The following MFAP4 variants were observed in gnomAD, a reference collection of about 807,000 sequenced individuals.
The protein encoded by MFAP4 is microfibril-associated glycoprotein 4.
In MFAP4, 20 loss-of-function variants were observed where a neutral mutation model predicts 32.4. The observed-to-expected ratio is 0.62, with a 90% CI of 0.43 to 0.90. The LOEUF (loss-of-function observed/expected upper bound fraction) is 0.90. MFAP4 is among the 40% of genes least tolerant of loss of function. The probability of loss-of-function intolerance (pLI) is 0.00; values close to 1 mark genes in which losing one functional copy is unlikely to be tolerated. For missense variants in MFAP4, 267 were observed against 329.5 expected (o/e 0.81, Z 1.47); for synonymous variants, 146 against 137.4 (o/e 1.06, Z -0.44).
At chr17:19,385,071 C>T in intron 5 of MFAP4, 28 bp downstream of exon 5, 1 of 1,602,842 alleles carries the variant, frequency 6.2e-7, no homozygotes, top group Non-Finnish European at 8.5e-7. Flanking sequence ...CCCTCACAGC[C>T]CCTCCCAAAG....
At chr17:19,386,726 G>A (rs1345716332) in intron 2 of MFAP4, 34 bp downstream of exon 2, 1 of 1,551,728 alleles carries the variant, frequency 6.4e-7, no homozygotes, top group Admixed American at 2.0e-5. Flanking sequence ...CAACCTGTGG[G>A]CCAGGCCGCG....
chr17:19,386,577 G>A (rs1913044728), intron 2 of MFAP4, 113 bp from the exon 3 acceptor site: 3 of 1,326,836 alleles, frequency 2.3e-6, no homozygotes, highest in Admixed American at 2.0e-5. Context: ...GACACAAGGA[G>A]TCATGGAAGA....
rs371622405 is a variant in MFAP4, at chr17:19,386,472, T to C, written c.86-8A>G. ...GGCAAAACCTCTCCAGAGCTGGGGG[T>C]AGGGACATGGGGACAGTGAGGAGAG... On this transcript the variant is annotated splice_region_variant and splice_polypyrimidine_tract_variant and intron_variant, in intron 2 of 5. Transcript: ENST00000299610. The C allele has an allele frequency of 5.5e-5, 89 of 1,609,800 alleles. No individual in the cohort carries two copies. Among genetic ancestry groups the C allele is most frequent in the Non-Finnish European group, 3.7e-5 (43 of 1,177,780 alleles).
chr17:19,384,248 A>G lies in MFAP4; in HGVS notation c.*214T>C. 1 of 582,342 alleles carries G rather than the reference A, an allele frequency of 1.7e-6. No individual in the cohort carries two copies. The highest frequency in any genetic ancestry group is 3.0e-6 in the Non-Finnish European group (1 of 330,304). The allele number at this position is 582,342 out of a possible 1,614,324, so 36.1% of individuals were successfully genotyped here. A position where few individuals can be genotyped will look rare whatever the true frequency, so the allele number is the denominator to read the frequency against. On this transcript the variant is annotated 3_prime_UTR_variant, in exon 6 of 6. Coordinates refer to ENST00000299610, the MANE Select transcript of MFAP4 (RefSeq NM_002404.3). ...GGAAGAGGCCTGGGGAACTGCTGGC[A>G]GTGTAACTTCAGGTGTAGGGGAGCC...
intron 1 of MFAP4, 134 bp from the exon 2 acceptor site, chr17:19,386,972 T>TGGCTGGGGCCCCCCCCCCCCC: frequency 1.1e-6 from 1 of 937,014 alleles, no homozygotes; most frequent in Non-Finnish European, 1.7e-6. Flanking sequence ...TGGCCCCTCT[T>TGGCTGGGGCCCCCCCCCCCCC]CCCTGCCCCC....
chr17:19,384,604 A>G lies in MFAP4; in HGVS notation c.626T>C (p.Phe209Ser), dbSNP rs1912952579. The G allele has an allele frequency of 6.2e-7, 1 of 1,614,144 alleles. No homozygotes were observed. Among genetic ancestry groups the G allele is most frequent in the Non-Finnish European group, 8.5e-7 (1 of 1,180,010 alleles). Residue 209 changes from phenylalanine (F) to serine (S), a missense_variant, in exon 6 of 6, where the codon TTC (phenylalanine) becomes TCC (serine). By Grantham distance (155) the Phe-to-Ser change is radical. This residue lies in a region of MFAP4 where 25 missense variants were observed against 57.5 expected (regional missense o/e 0.43). Transcript: ENST00000299610. The stretch of plus-strand genomic sequence containing the variant: ...GAGGTTGGCAAAGTGGCAGCTGCGG[A>G]ACCAGAAGGCTCCTGAGGAGAGAGC... The part of the protein sequence containing the change: ...CAALSSGAFW[F>S]RSCHFANLNG...
intron 1 of MFAP4, 139 bp from the exon 2 acceptor site, chr17:19,386,977 G>GGGCCCCCCCCCCCCCCCCCCCCCACAC: frequency 1.5e-6 from 1 of 689,460 alleles, no homozygotes; most frequent in Non-Finnish European, 2.4e-6. Context: ...CCTCTTCCCT[G>GGGCCCCCCCCCCCCCCCCCCCCCACAC]CCCCCCCACC....
At position 19,385,467 on chromosome 17, in the gene MFAP4, A is replaced by T; in HGVS notation, c.241-13T>A. 2 of 1,613,130 alleles carry T rather than the reference A, an allele frequency of 1.2e-6. No homozygotes were observed. The highest frequency in any genetic ancestry group is 1.7e-6 in the Non-Finnish European group (2 of 1,179,110). ...TCTTCTGGAAAACCTGGAGCAGAGAAGATGAGACTGGATCATCAAGGGTCC... is the reference window on the plus strand; with the variant it reads ...TCTTCTGGAAAACCTGGAGCAGAGATGATGAGACTGGATCATCAAGGGTCC... On this transcript the variant is annotated splice_polypyrimidine_tract_variant and intron_variant, in intron 3 of 5. Coordinates refer to ENST00000299610, the MANE Select transcript of MFAP4 (RefSeq NM_002404.3).
chr17:19,384,808 G>T, intron 5 of MFAP4, 99 bp from the exon 6 acceptor site: 1 of 1,525,528 alleles, frequency 6.6e-7, no homozygotes, highest in Non-Finnish European at 8.9e-7. Flanking sequence ...GATATCACGT[G>T]GCAGCCTGGC....
chr17:19,385,496 G>A (rs1288865918), intron 3 of MFAP4, 42 bp from the exon 4 acceptor site: 11 of 1,586,958 alleles, frequency 6.9e-6, no homozygotes, highest in Non-Finnish European at 8.7e-6. Flanking sequence ...AGGGTCCAAT[G>A]GGCAAGGTTC....
At chr17:19,385,038 C>G in intron 5 of MFAP4, 61 bp downstream of exon 5, 2 of 1,559,288 alleles carry the variant, frequency 1.3e-6, no homozygotes, top group South Asian at 2.4e-5. Flanking sequence ...GCTGACTGGG[C>G]AGGGCCAGCC....
rs1218960606 is a variant in MFAP4, at chr17:19,385,108, C to A, written c.511G>T (p.Gly171Cys). ...YTLFVAGFED[G>C]GAGDSLSYHS... The stretch of plus-strand genomic sequence containing the variant: ...TAACAGCGGGTTATACCTGCCCCGC[C>A]ATCCTCAAAGCCTGCCACAAAGAGG... The change falls in exon 5 of 6, where the codon GGC becomes TGC. Residue 171 changes from glycine to cysteine, a missense_variant. Gly to Cys is a radical substitution (Grantham distance 159). Transcript: ENST00000299610. 6.2e-7 allele frequency: 1 copy of A among 1,613,676 alleles called. No individual in the cohort carries two copies. The highest frequency in any genetic ancestry group is 8.5e-7 in the Non-Finnish European group (1 of 1,179,722).
chr17:19,384,577 T>C lies in MFAP4; in HGVS notation c.653A>G (p.Asn218Ser). 1 of 1,613,982 alleles carries C rather than the reference T, an allele frequency of 6.2e-7. No individual in the cohort carries two copies. Among genetic ancestry groups the C allele is most frequent in the Non-Finnish European group, 8.5e-7 (1 of 1,179,986 alleles). The change falls in exon 6 of 6, where the codon AAT becomes AGT. Residue 218 changes from asparagine (N) to serine (S), a missense_variant. Asn to Ser is a conservative substitution (Grantham distance 46). Around this residue, in one of 3 missense-constraint regions of MFAP4, gnomAD observed 25 missense variants for 57.5 expected, o/e 0.43. Coordinates refer to ENST00000299610, the MANE Select transcript of MFAP4 (RefSeq NM_002404.3). The part of the protein sequence containing the change: ...WFRSCHFANL[N>S]GFYLGGSHLS... ...GTGGGAGCCACCTAGGTAGAAGCCA[T>C]TGAGGTTGGCAAAGTGGCAGCTGCG...
chr17:19,386,972 T>TGGCGGGG, intron 1 of MFAP4, 134 bp from the exon 2 acceptor site: 1 of 937,012 alleles, frequency 1.1e-6, no homozygotes, highest in Non-Finnish European at 1.7e-6. Flanking sequence ...TGGCCCCTCT[T>TGGCGGGG]CCCTGCCCCC....
chr17:19,385,341 C>T lies in MFAP4; in HGVS notation c.337+17G>A. On this transcript the variant is annotated intron_variant, in intron 4 of 5. Transcript: ENST00000299610. ...GGCCCTGGGGCAGCCCCTCAGCCCACCTGGTCCCTGCCTTACCCAGCCAGT... is the reference window on the plus strand; with the variant it reads ...GGCCCTGGGGCAGCCCCTCAGCCCATCTGGTCCCTGCCTTACCCAGCCAGT... The T allele has an allele frequency of 6.2e-7, 1 of 1,614,238 alleles. No homozygotes were observed.
At chr17:19,384,984 T>G in intron 5 of MFAP4, 115 bp downstream of exon 5, 1 of 1,363,340 alleles carries the variant, frequency 7.3e-7, no homozygotes, top group Non-Finnish European at 1.0e-6. Flanking sequence ...CTGTGGCCCT[T>G]CCAGATCCAG....
chr17:19,387,019 G>A lies in MFAP4; in HGVS notation c.6+131C>T, dbSNP rs182926692. 5.2e-4 allele frequency: 614 copies of A among 1,179,074 alleles called. 3 individuals are homozygous for A. The African/African-American group carries it at 9.1e-3, about 17-fold the overall frequency. 73.0% of individuals were successfully genotyped at this position (1,179,074 alleles called of 1,614,324 possible). On this transcript the variant is annotated intron_variant, in intron 1 of 5. Coordinates refer to ENST00000299610, the MANE Select transcript of MFAP4 (RefSeq NM_002404.3). ...GCCAAGTAACCCCACTCTCTGGGAC[G>A]CTGTGTACCCTCATAGCTTACGAGT...
chr17:19,386,972 T>TGCCGGGC, intron 1 of MFAP4, 134 bp from the exon 2 acceptor site: 2 of 937,012 alleles, frequency 2.1e-6, no homozygotes, highest in Non-Finnish European at 3.4e-6. Context: ...TGGCCCCTCT[T>TGCCGGGC]CCCTGCCCCC....
In MFAP4 at chr17:19,385,220, C is replaced by T. The variant is rs1311249469; in HGVS notation, c.399G>A (p.Glu133=). Reference sequence around the variant, plus strand: ...CATAGGCCGTGTTGTTCTCAAAGTCCTCCAAGTCCACTCGCAGCTCATACT... The same window carrying T: ...CATAGGCCGTGTTGTTCTCAAAGTCTTCCAAGTCCACTCGCAGCTCATACT... ...KQKYELRVDL[E]DFENNTAYAK... is the part of the protein sequence containing the mutation. Residue 133 remains glutamate, a synonymous_variant, in exon 5 of 6, where the codon GAG becomes GAA. Coordinates refer to ENST00000299610, the MANE Select transcript of MFAP4 (RefSeq NM_002404.3). 6.8e-6 allele frequency: 11 copies of T among 1,614,174 alleles called. No homozygotes were observed. Among genetic ancestry groups the T allele is most frequent in the Non-Finnish European group, 9.3e-6 (11 of 1,180,058 alleles).
Sources: allele counts gnomAD v4.1 joint callset, GRCh38; gene constraint gnomAD v4.1.1; regional missense constraint gnomAD v4.1.1; transcripts MANE v1.5; gene names NCBI Gene and HGNC (gene_info 2026-07-23, HGNC 2026-07-21).